The following SLC14A2 variants were observed in gnomAD, a reference collection of about 807,000 sequenced individuals.
The protein encoded by SLC14A2 is urea transporter 2.
In SLC14A2, 91 loss-of-function variants were observed where a neutral mutation model predicts 104.6. The observed-to-expected ratio is 0.87, with a 90% CI of 0.73 to 1.04. The LOEUF (loss-of-function observed/expected upper bound fraction) is 1.04, where lower values mean the gene tolerates loss of function less well. Ranked by LOEUF, SLC14A2 falls within the 50% of genes least tolerant of loss-of-function variation. The pLI is 0.00. For synonymous variants in SLC14A2, 476 were observed against 466.4 expected (o/e 1.02, Z -0.27); for missense variants, 1,189 against 1,156.0 (o/e 1.03, Z -0.41).
At chr18:45,538,329 C>T (rs983798689) in intron 2 of SLC14A2, among the ~76,000 whole-genome samples, 4 of 152,246 alleles carry the variant, frequency 2.6e-5, no homozygotes, top group Non-Finnish European at 5.9e-5. Flanking sequence ...CACTACATTC[C>T]AATGGCTTTG....
At chr18:45,473,758 TCAGCTTAA>T (rs554923009) in intron 1 of SLC14A2, among the ~76,000 whole-genome samples, 11 of 152,232 alleles carry the variant, frequency 7.2e-5, no homozygotes, top group South Asian at 2.1e-4. Flanking sequence ...AAGTTGCTGA[TCAGCTTAA>T]GGAGATTTTG....
intron 2 of SLC14A2, among the ~76,000 whole-genome samples, chr18:45,517,286 G>A (rs533634004): frequency 1.3e-5 from 2 of 152,262 alleles, no homozygotes; most frequent in South Asian, 4.2e-4. Flanking sequence ...CATGAGACGC[G>A]GCCCTGGCTG....
At chr18:45,680,277 C>T (rs1360336488) in intron 19 of SLC14A2, among the ~76,000 whole-genome samples, 1 of 152,174 alleles carries the variant, frequency 6.6e-6, no homozygotes, top group Non-Finnish European at 1.5e-5. Flanking sequence ...CAGGAAGCTG[C>T]GATTCCTGAT....
rs923019034 is a variant in SLC14A2 at position 45,404,619 on chromosome 18, T to A, written c.-124-78614T>A. Among the ~76,000 whole-genome samples the A allele has an allele frequency of 2.0e-5, 3 of 152,170 alleles. No homozygotes were observed. The East Asian group carries it at 5.8e-4, about 29-fold the overall frequency. ...GGCACATACCCCCATCGCTAGTGAG[T>A]CAGTCTCTCAAGGACAGACCCCAGA... On this transcript the variant is annotated intron_variant, in intron 1 of 20. Transcript: ENST00000586448.
At chr18:45,184,866 C>T in the SLC14A2 span, among the ~76,000 whole-genome samples, 1 of 152,186 alleles carries the variant, frequency 6.6e-6, no homozygotes, top group Non-Finnish European at 1.5e-5. Flanking sequence ...ATCACTTCAG[C>T]TTCACCTATG....
At chr18:45,630,478 A>C (rs1406515395) in intron 4 of SLC14A2, among the ~76,000 whole-genome samples, 1 of 152,128 alleles carries the variant, frequency 6.6e-6, no homozygotes, top group East Asian at 1.9e-4. Context: ...GTCCTGATGG[A>C]ATGTGGTCTT....
chr18:45,639,993 G>A, intron 7 of SLC14A2, 100 bp downstream of exon 7: 1 of 1,166,760 alleles, frequency 8.6e-7, no homozygotes, highest in Non-Finnish European at 1.2e-6. Flanking sequence ...CTTCCCTGCA[G>A]TTTTAAATAC....
intron 2 of SLC14A2, among the ~76,000 whole-genome samples, chr18:45,607,962 CCTT>C (rs1458526179): frequency 6.6e-6 from 1 of 152,240 alleles, no homozygotes; most frequent in Admixed American, 6.5e-5. Context: ...GCCTCTCAGT[CCTT>C]GAAACAACCA....
intron 1 of SLC14A2, among the ~76,000 whole-genome samples, chr18:45,216,477 A>T (rs942511290): frequency 6.6e-6 from 1 of 152,020 alleles, no homozygotes. Context: ...TGGGGGTGTT[A>T]TGTTGGTGCT....
chr18:45,296,233 G>T (rs2084916837), intron 1 of SLC14A2, among the ~76,000 whole-genome samples: 1 of 152,224 alleles, frequency 6.6e-6, no homozygotes, highest in Non-Finnish European at 1.5e-5. Flanking sequence ...CCTCCAAAAT[G>T]AAGTAAAGGA....
intron 1 of SLC14A2, among the ~76,000 whole-genome samples, chr18:45,373,843 G>C (rs942215722): frequency 1.3e-5 from 2 of 152,168 alleles, no homozygotes; most frequent in Non-Finnish European, 2.9e-5. Flanking sequence ...GCCAACCCAA[G>C]TGAAGGACTT....
chr18:45,174,662 T>C, the SLC14A2 span, among the ~76,000 whole-genome samples: 1 of 152,122 alleles, frequency 6.6e-6, no homozygotes, highest in Non-Finnish European at 1.5e-5. Flanking sequence ...TAACAGAGAA[T>C]TCAGGAAAGA....
chr18:45,370,592 A>T (rs1406620857), intron 1 of SLC14A2, among the ~76,000 whole-genome samples: 1 of 152,160 alleles, frequency 6.6e-6, no homozygotes, highest in Non-Finnish European at 1.5e-5. Flanking sequence ...CAGGGTAACC[A>T]CTGAGAAAAT....
chr18:45,177,410 G>C, the SLC14A2 span, among the ~76,000 whole-genome samples: 1 of 152,140 alleles, frequency 6.6e-6, no homozygotes, highest in South Asian at 2.1e-4. Flanking sequence ...TCCTTAAAAA[G>C]AGCTGGCAGG....
intron 1 of SLC14A2, among the ~76,000 whole-genome samples, chr18:45,404,147 T>C (rs1466409664): frequency 6.6e-6 from 1 of 152,216 alleles, no homozygotes; most frequent in African/African-American, 2.4e-5. Flanking sequence ...CCCATTGCTT[T>C]CCATCTGAAC....
chr18:45,653,436 G>A (rs1369242565), intron 10 of SLC14A2, among the ~76,000 whole-genome samples: 1 of 152,122 alleles, frequency 6.6e-6, no homozygotes, highest in African/African-American at 2.4e-5. Flanking sequence ...TTCTGAACCT[G>A]GGTAGGCTGC....
intron 1 of SLC14A2, among the ~76,000 whole-genome samples, chr18:45,405,474 C>T (rs2086143677): frequency 1.3e-5 from 2 of 152,092 alleles, no homozygotes; most frequent in East Asian, 1.9e-4. Context: ...TAAAGCAAGT[C>T]GCCTGAAGTG....
chr18:45,388,100 G>A (rs1173540393), intron 1 of SLC14A2, among the ~76,000 whole-genome samples: 1 of 114,892 alleles, frequency 8.7e-6, no homozygotes, highest in African/African-American at 3.3e-5. Flanking sequence ...TTTTTGAGAC[G>A]GAGTCTCACT....
intron 1 of SLC14A2, among the ~76,000 whole-genome samples, chr18:45,280,735 G>T (rs980991945): frequency 6.6e-6 from 1 of 152,122 alleles, no homozygotes. Context: ...GCTTTGAAGA[G>T]AAATAAAAGT....
Sources: gnomAD v4.1 joint callset for allele counts (sites outside exome capture counted in the v4.1 genomes callset) on GRCh38, gnomAD v4.1.1 for gene constraint, MANE v1.5 for transcripts, NCBI Gene and HGNC (gene_info 2026-07-23, HGNC 2026-07-21) for gene names.